OSBPL6: variants seen among roughly 807,000 people sequenced by gnomAD.
OSBPL6 encodes the protein oxysterol-binding protein-related protein 6.
OSBPL6 carries 49 observed loss-of-function variants against 125.8 expected under a neutral mutation model. The observed-to-expected ratio is 0.39, with a 90% confidence interval of 0.31 to 0.49. The LOEUF is 0.49. OSBPL6 is among the 20% of genes least tolerant of loss of function. The pLI is 0.88. For missense variants in OSBPL6, 986 were observed against 1,135.4 expected, an observed-to-expected ratio of 0.87 and a Z score of 1.89; for synonymous variants, 394 against 391.8, an observed-to-expected ratio of 1.01 and a Z score of -0.07.
At chr2:178,377,209 A>G (rs13402046) in intron 15 of OSBPL6, among the ~76,000 whole-genome samples, 79,653 of 152,086 alleles carry the variant, frequency 0.52, 21,175 homozygotes, top group East Asian at 0.69. Flanking sequence ...GCATCTGCTT[A>G]GCTTCAGGAA....
Position 178,391,119 on chromosome 2 carries a change from T to C in OSBPL6, c.2348T>C (p.Ile783Thr), listed in dbSNP as rs762240424. 6.2e-7 allele frequency: 1 copy of C among 1,613,838 alleles called. No homozygotes were observed. The highest frequency in any genetic ancestry group is 8.5e-7 in the Non-Finnish European group (1 of 1,179,888). Residue 783 changes from isoleucine (I) to threonine (T), a missense_variant, in exon 22 of 25, where the codon ATA becomes ACA. Physicochemically the swap from Ile to Thr is moderately conservative, Grantham distance 89. Around this residue, in one of 3 missense-constraint regions of OSBPL6, gnomAD observed 843 missense variants for 997.3 expected, o/e 0.85. Coordinates refer to ENST00000190611, the MANE Select transcript of OSBPL6 (RefSeq NM_032523.4). ...SNMNEVQGVV[I>T]DQEGKAVYRL... ...ATGAATGAAGTCCAGGGGGTGGTGATAGATCAGGAGGGGAAGGCGGTGTAC... is the reference window on the plus strand; with the variant it reads ...ATGAATGAAGTCCAGGGGGTGGTGACAGATCAGGAGGGGAAGGCGGTGTAC...
At chr2:178,234,384 C>A (rs139291109) in intron 1 of OSBPL6, among the ~76,000 whole-genome samples, 2 of 151,950 alleles carry the variant, frequency 1.3e-5, no homozygotes, top group Non-Finnish European at 2.9e-5. Flanking sequence ...TATAACCTAC[C>A]GGCTTGTTAC....
chr2:178,368,223 C>T (rs566225898), intron 13 of OSBPL6, among the ~76,000 whole-genome samples: 65 of 152,232 alleles, frequency 4.3e-4, no homozygotes, highest in Middle Eastern at 3.4e-3. Flanking sequence ...AAGCTCATGG[C>T]GCTTGGTTGT....
intron 15 of OSBPL6, among the ~76,000 whole-genome samples, chr2:178,380,180 G>A (rs887677499): frequency 2.0e-5 from 3 of 152,062 alleles, no homozygotes; most frequent in Non-Finnish European, 4.4e-5. Context: ...CAGGTGCAAT[G>A]GCTCATACCT....
At chr2:178,343,624 C>T (rs555605007) in intron 11 of OSBPL6, among the ~76,000 whole-genome samples, 1 of 152,296 alleles carries the variant, frequency 6.6e-6, no homozygotes, top group African/African-American at 2.4e-5. Context: ...GCATTGTCCT[C>T]ACCCACTGAG....
intron 1 of OSBPL6, among the ~76,000 whole-genome samples, chr2:178,257,099 G>T (rs946568142): frequency 6.6e-6 from 1 of 152,224 alleles, no homozygotes; most frequent in African/African-American, 2.4e-5. Context: ...TCTAAGTACA[G>T]TTGAGTCCCA....
intron 1 of OSBPL6, among the ~76,000 whole-genome samples, chr2:178,255,434 C>G (rs572125078): frequency 1.3e-5 from 2 of 152,320 alleles, no homozygotes; most frequent in African/African-American, 4.8e-5. Context: ...GAAAAACGCT[C>G]CCCAGGGATT....
In OSBPL6 at chr2:178,212,962, C is replaced by A. The variant is rs113822778; in HGVS notation, c.-351+18288C>A. ...AGCTGGGATTACAGGTGCACACCACCACACTCGGCTAATTTTTTGTATCTT... is the reference window on the plus strand; with the variant it reads ...AGCTGGGATTACAGGTGCACACCACAACACTCGGCTAATTTTTTGTATCTT... On this transcript the variant is annotated intron_variant, in intron 1 of 24. Coordinates refer to ENST00000190611, the MANE Select transcript of OSBPL6 (RefSeq NM_032523.4). Among the ~76,000 whole-genome samples the A allele has an allele frequency of 6.6e-5, 10 of 152,254 alleles. 1 individual carries two copies. The highest frequency in any genetic ancestry group is 2.4e-4 in the African/African-American group (10 of 41,560).
intron 4 of OSBPL6, among the ~76,000 whole-genome samples, chr2:178,326,988 T>G (rs1335813565): frequency 6.6e-6 from 1 of 151,454 alleles, no homozygotes; most frequent in Admixed American, 6.6e-5. Flanking sequence ...AATGATACAT[T>G]GGAAACTTTG....
intron 19 of OSBPL6, among the ~76,000 whole-genome samples, chr2:178,386,774 C>G (rs1318893231): frequency 6.6e-6 from 1 of 152,082 alleles, no homozygotes; most frequent in South Asian, 2.1e-4. Context: ...TTCCAGGCTT[C>G]TCCCAGCTCT....
At position 178,332,922 on chromosome 2, in the gene OSBPL6, C is replaced by G. The variant is rs368596933; in HGVS notation, c.538C>G (p.Arg180Gly). 1 of 1,614,072 alleles carries G rather than the reference C, an allele frequency of 6.2e-7. No homozygotes were observed. The highest frequency in any genetic ancestry group is 1.3e-5 in the African/African-American group (1 of 75,042). The change falls in exon 8 of 25, where the codon CGG becomes GGG. Residue 180 changes from arginine to glycine, a missense_variant. Arg to Gly is a moderately radical substitution (Grantham distance 125, BLOSUM62 -2). Coordinates refer to ENST00000190611, the MANE Select transcript of OSBPL6 (RefSeq NM_032523.4). Reference protein sequence around the residue: ...DAWVSKLRHHRLYRQNEIVRS... With the variant: ...DAWVSKLRHHGLYRQNEIVRS... Reference sequence around the variant, plus strand: ...ATGGGTCTCCAAACTGCGACATCATCGGTTGTATCGTCAGAATGAAATTGT... The same window carrying G: ...ATGGGTCTCCAAACTGCGACATCATGGGTTGTATCGTCAGAATGAAATTGT...
At chr2:178,216,594 A>G (rs544548500) in intron 1 of OSBPL6, among the ~76,000 whole-genome samples, 64 of 152,352 alleles carry the variant, frequency 4.2e-4, no homozygotes, top group African/African-American at 1.3e-3. Context: ...TTTGGCAAAC[A>G]TAGTGATGGT....
chr2:178,304,308 C>T (rs1686561439), intron 2 of OSBPL6, among the ~76,000 whole-genome samples: 1 of 152,192 alleles, frequency 6.6e-6, no homozygotes, highest in African/African-American at 2.4e-5. Context: ...ACTCACGGTT[C>T]TGCATGGCTG....
intron 5 of OSBPL6, among the ~76,000 whole-genome samples, chr2:178,330,496 G>A (rs1559253461): frequency 6.6e-6 from 1 of 152,144 alleles, no homozygotes; most frequent in Non-Finnish European, 1.5e-5. Flanking sequence ...TTTTTCAACC[G>A]TAGAGACTCT....
At chr2:178,271,133 C>G (rs903259414) in intron 1 of OSBPL6, among the ~76,000 whole-genome samples, 8 of 152,122 alleles carry the variant, frequency 5.3e-5, no homozygotes, top group African/African-American at 1.9e-4. Flanking sequence ...CAGCCTATGA[C>G]ATCAAATTAT....
intron 1 of OSBPL6, among the ~76,000 whole-genome samples, chr2:178,239,746 C>G (rs1315605019): frequency 4.6e-5 from 7 of 151,724 alleles, no homozygotes; most frequent in Non-Finnish European, 4.4e-5. Flanking sequence ...CTGCCTCAGC[C>G]TCCCGAGTAG....
intron 3 of OSBPL6, among the ~76,000 whole-genome samples, chr2:178,321,011 C>T (rs948567356): frequency 1.3e-5 from 2 of 151,996 alleles, no homozygotes; most frequent in African/African-American, 4.8e-5. Flanking sequence ...TACAACCGGG[C>T]GTGGTGGCAC....
intron 12 of OSBPL6, among the ~76,000 whole-genome samples, chr2:178,359,068 C>T (rs192736459): frequency 1.3e-5 from 2 of 152,042 alleles, no homozygotes; most frequent in Admixed American, 6.5e-5. Context: ...CCTAGCTACT[C>T]GAGAGGCTGA....
At chr2:178,304,668 A>G (rs544968623) in intron 2 of OSBPL6, among the ~76,000 whole-genome samples, 1 of 152,278 alleles carries the variant, frequency 6.6e-6, no homozygotes, top group South Asian at 2.1e-4. Context: ...CTCACTTCCC[A>G]ATACTGTTGC....
Sources: allele counts gnomAD v4.1 joint callset (sites outside exome capture counted in the v4.1 genomes callset), GRCh38; gene constraint gnomAD v4.1.1; regional missense constraint gnomAD v4.1.1; transcripts MANE v1.5; gene names NCBI Gene and HGNC (gene_info 2026-07-23, HGNC 2026-07-21).